The following ST7 variants were observed in gnomAD, a reference collection of about 807,000 sequenced individuals.
ST7 encodes suppressor of tumorigenicity 7 protein.
A neutral mutation model predicts 78.7 loss-of-function variants in ST7; 28 were observed. The ratio of observed to expected loss-of-function variants is 0.36; its 90% CI spans 0.26 to 0.49. The LOEUF (loss-of-function observed/expected upper bound fraction) is 0.49. Ranked by LOEUF, ST7 falls within the 20% of genes least tolerant of loss-of-function variation. The probability of loss-of-function intolerance (pLI) is 0.99; values close to 1 mark genes in which losing one functional copy is unlikely to be tolerated. For synonymous variants in ST7, 247 were observed against 249.6 expected (o/e 0.99, Z 0.10); for missense variants, 418 against 696.0 (o/e 0.60, Z 4.49).
At chr7:117,083,572 A>C (rs1352906812) in intron 1 of ST7, among the ~76,000 whole-genome samples, 7 of 152,120 alleles carry the variant, frequency 4.6e-5, no homozygotes, top group Non-Finnish European at 1.5e-5. Flanking sequence ...TTTCTCTGCT[A>C]TTTTAATAAG....
rs539490481 is a variant in ST7, at chr7:117,222,204, T to C, written c.1638+142T>C. On this transcript the variant is annotated intron_variant, in intron 15 of 15. Transcript: ENST00000323984. ...ATTGCTCACCATTTAATTTTCATGATCGTCAATGGAATCAAAGCATTAAGG... is the reference window on the plus strand; with the variant it reads ...ATTGCTCACCATTTAATTTTCATGACCGTCAATGGAATCAAAGCATTAAGG... 2.3e-5 allele frequency: 23 copies of C among 999,942 alleles called. No homozygotes were observed. In the African/African-American group the frequency reaches 2.7e-4, roughly 12 times the overall value. 61.9% of individuals were successfully genotyped at this position (999,942 alleles called of 1,614,324 possible).
chr7:117,195,932 G>A (rs1584569233), intron 12 of ST7, among the ~76,000 whole-genome samples: 1 of 152,036 alleles, frequency 6.6e-6, no homozygotes, highest in East Asian at 1.9e-4. Context: ...CCTCCCCACA[G>A]CCCCTGGCAA....
rs10242880 is a variant in ST7, at chr7:117,191,014, G to C, written c.1254+78G>C. 8.8e-3 allele frequency: 9,960 copies of C among 1,132,688 alleles called. 632 individuals are homozygous for C. In the African/African-American group the frequency reaches 0.13, roughly 15 times the overall value. The allele number at this position is 1,132,688 out of a possible 1,614,324, so 70.2% of individuals were successfully genotyped here. ...CATTGACCACAGTGTTGTATCTCAA[G>C]TACACCGCTTATAAAAAAATGAATT... On this transcript the variant is annotated intron_variant, in intron 12 of 15. Transcript: ENST00000323984.
Position 117,136,252 on chromosome 7 carries a change from G to GAT in ST7, c.865+17_865+18insAT, listed in dbSNP as rs763023523. On this transcript the variant is annotated intron_variant, in intron 8 of 15. Transcript: ENST00000323984. ...CCCAACATAGTAAGGTTTCCTGCAG[G>GAT]TTGATGCATTGGGGGATCAGAATTG... 1.9e-5 allele frequency: 31 copies of GAT among 1,613,448 alleles called. No homozygotes were observed. Among genetic ancestry groups the GAT allele is most frequent in the Non-Finnish European group, 2.5e-5 (30 of 1,179,658 alleles).
intron 1 of ST7, among the ~76,000 whole-genome samples, chr7:117,071,088 G>A (rs1214416364): frequency 1.3e-5 from 2 of 151,970 alleles, no homozygotes; most frequent in Non-Finnish European, 2.9e-5. Context: ...GCGTGGTGGC[G>A]GGCGCCTGTA....
chr7:116,966,237 TTTTTTCTTTC>T (rs1793104173), intron 1 of ST7: 1 of 277,644 alleles, frequency 3.6e-6, no homozygotes, highest in East Asian at 1.1e-4. Flanking sequence ...TGCTTTTTTC[TTTTTTCTTTC>T]TTTTTTTTTT....
At chr7:117,099,373 A>G (rs111713379) in intron 1 of ST7, among the ~76,000 whole-genome samples, 5 of 152,260 alleles carry the variant, frequency 3.3e-5, no homozygotes, top group Non-Finnish European at 4.4e-5. Flanking sequence ...CTGCTTGTTG[A>G]TGCATCAGGG....
chr7:117,201,002 C>A (rs1001323564), intron 12 of ST7, among the ~76,000 whole-genome samples: 3 of 151,934 alleles, frequency 2.0e-5, no homozygotes, highest in African/African-American at 7.3e-5. Context: ...CTAAAGCAGT[C>A]CTCCCTTTAT....
intron 13 of ST7, 127 bp downstream of exon 13, chr7:117,210,064 C>G: frequency 8.7e-7 from 1 of 1,147,374 alleles, no homozygotes; most frequent in Non-Finnish European, 1.2e-6. Context: ...GATGGCCCAT[C>G]TAAGCCAGTT....
At chr7:117,006,730 T>C (rs1490951662) in intron 1 of ST7, among the ~76,000 whole-genome samples, 2 of 152,234 alleles carry the variant, frequency 1.3e-5, no homozygotes, top group African/African-American at 2.4e-5. Flanking sequence ...CAACCCTGCA[T>C]TGAGCATCTG....
chr7:117,096,703 A>G (rs921121633), intron 1 of ST7, among the ~76,000 whole-genome samples: 2 of 152,256 alleles, frequency 1.3e-5, no homozygotes, highest in Admixed American at 1.3e-4. Context: ...TATAATCCTT[A>G]AATACATGAA....
chr7:117,189,415 C>T (rs374963524), intron 11 of ST7, 22 bp downstream of exon 11: 33 of 1,573,230 alleles, frequency 2.1e-5, no homozygotes, highest in South Asian at 2.0e-4. Context: ...ATAGTTTGCG[C>T]GGTACTAATG....
chr7:117,046,695 G>A (rs926091573), intron 1 of ST7, among the ~76,000 whole-genome samples: 1 of 152,100 alleles, frequency 6.6e-6, no homozygotes, highest in African/African-American at 2.4e-5. Context: ...AAGGTGATTT[G>A]TGCAATAATG....
At chr7:117,088,110 CTCT>C (rs1482658960) in intron 1 of ST7, among the ~76,000 whole-genome samples, 7 of 152,184 alleles carry the variant, frequency 4.6e-5, no homozygotes, top group African/African-American at 1.7e-4. Context: ...TCCATACTCT[CTCT>C]TCTTTCCTCT....
chr7:117,111,160 C>T (rs1297494259), intron 2 of ST7, among the ~76,000 whole-genome samples: 1 of 152,166 alleles, frequency 6.6e-6, no homozygotes, highest in Non-Finnish European at 1.5e-5. Context: ...AGCCACTATC[C>T]TTTTCTGCTG....
chr7:117,011,094 G>C (rs995364944), intron 1 of ST7, among the ~76,000 whole-genome samples: 1 of 152,196 alleles, frequency 6.6e-6, no homozygotes, highest in Non-Finnish European at 1.5e-5. Context: ...CATGAGCCAT[G>C]AACCCTCTAG....
At chr7:117,085,721 A>G (rs1800089103) in intron 1 of ST7, among the ~76,000 whole-genome samples, 1 of 152,194 alleles carries the variant, frequency 6.6e-6, no homozygotes, top group African/African-American at 2.4e-5. Flanking sequence ...TTTTTCTTCC[A>G]GTAATGTTTT....
At chr7:117,125,579 A>G (rs1453007915) in intron 3 of ST7, among the ~76,000 whole-genome samples, 1 of 152,064 alleles carries the variant, frequency 6.6e-6, no homozygotes, top group Non-Finnish European at 1.5e-5. Context: ...TTTTACTAAT[A>G]ATGATTGCTT....
At chr7:117,005,902 A>C (rs1323183781) in intron 1 of ST7, among the ~76,000 whole-genome samples, 1 of 152,212 alleles carries the variant, frequency 6.6e-6, no homozygotes. Flanking sequence ...GTAGATCATA[A>C]ATAGAAATGT....
Sources: gnomAD v4.1 joint callset for allele counts (sites outside exome capture counted in the v4.1 genomes callset) on GRCh38, gnomAD v4.1.1 for gene constraint, MANE v1.5 for transcripts, NCBI Gene and HGNC (gene_info 2026-07-23, HGNC 2026-07-21) for gene names.